Variants in JAK3 observed in about 807,000 individuals in gnomAD.
JAK3 encodes the protein tyrosine-protein kinase JAK3.
In JAK3, 88 loss-of-function variants were observed where a neutral mutation model predicts 120.8. The observed-to-expected ratio is 0.73, with a 90% confidence interval of 0.61 to 0.87. JAK3 has a LOEUF of 0.87. Among genes scored for constraint, JAK3 ranks in the 40% least tolerant of loss-of-function variants. JAK3 has a pLI of 0.00. For missense variants in JAK3, 1,254 were observed against 1,501.4 expected (o/e 0.84, Z 2.72); for synonymous variants, 592 against 628.6 (o/e 0.94, Z 0.87).
Position 17,843,864 on chromosome 19 carries a change from G to T in JAK3, c.221C>A (p.Ala74Asp). ...LPVYHSLFAL[A>D]TEDLSCWFPP... ...GAACCAGCAGGACAGGTCCTCCGTG[G>T]CCAGAGCAAAGAGGGAGTGGTACAC... The change falls in exon 3 of 24, where the codon GCC (alanine) becomes GAC (aspartate). Residue 74 changes from alanine to aspartate, a missense_variant. Physicochemically the swap from Ala to Asp is moderately radical, Grantham distance 126. Around this residue, in one of 3 missense-constraint regions of JAK3, gnomAD observed 138 missense variants for 178.7 expected, o/e 0.77. Transcript: ENST00000458235. The surrounding 1 kb of genome is among the most constrained non-coding windows in gnomAD (Gnocchi z 5.4). 1 of 1,613,646 alleles carries T rather than the reference G, an allele frequency of 6.2e-7. No individual in the cohort carries two copies. The highest frequency in any genetic ancestry group is 8.5e-7 in the Non-Finnish European group (1 of 1,179,968).
intron 23 of JAK3, among the ~76,000 whole-genome samples, chr19:17,829,004 T>G (rs982282260): frequency 6.6e-6 from 1 of 151,272 alleles, no homozygotes; most frequent in Non-Finnish European, 1.5e-5. Flanking sequence ...AAAAATTTTT[T>G]AAAATTAGCC....
chr19:17,845,125 G>A (rs1045022217), intron 1 of JAK3, among the ~76,000 whole-genome samples: 20 of 152,178 alleles, frequency 1.3e-4, no homozygotes, highest in African/African-American at 3.9e-4. Flanking sequence ...CATCATTTCC[G>A]GAGGCCAAGA....
chr19:17,844,810 AAAAGAAAGAAAG>A (rs545511218), intron 1 of JAK3, among the ~76,000 whole-genome samples: 10 of 127,142 alleles, frequency 7.9e-5, no homozygotes, highest in Non-Finnish European at 1.3e-4. Flanking sequence ...AAAAAAAAAA[AAAAGAAAGAAAG>A]AAAGAAAGAA....
Position 17,836,014 on chromosome 19 carries a change from T to C in JAK3, c.1824A>G (p.Ile608Met), listed in dbSNP as rs2094223452. The C allele has an allele frequency of 6.2e-7, 1 of 1,614,000 alleles. No homozygotes were observed. The highest frequency in any genetic ancestry group is 1.1e-5 in the South Asian group (1 of 91,090). ...GGCCACGTTTTCGCAGATACATGTC[T>C]ATGGCCCCCAGGTGTACAAATTCCT... ...MVQEFVHLGA[I>M]DMYLRKRGHL... Residue 608 changes from isoleucine (I) to methionine (M), a missense_variant, in exon 14 of 24, where the codon ATA (isoleucine) becomes ATG (methionine). By Grantham distance (10) the Ile-to-Met change is conservative. This residue lies in a region of JAK3 where 630 missense variants were observed against 819.8 expected (regional missense o/e 0.77). Coordinates refer to ENST00000458235, the MANE Select transcript of JAK3 (RefSeq NM_000215.4).
chr19:17,831,776 G>T lies in JAK3; in HGVS notation c.2703C>A (p.Val901=). Residue 901 remains valine (V), a synonymous_variant, in exon 20 of 24, where the codon GTC becomes GTA. Transcript: ENST00000458235. The surrounding 1 kb of genome is among the most constrained non-coding windows in gnomAD (Gnocchi z 5.1). ...YGPGRQSLRL[V]MEYLPSGCLR... is the part of the protein sequence containing the mutation. ...AGCAGCCGCTGGGCAGGTACTCCATGACCAGCCGCAGGCTCTGGCGGCCTG... is the reference window on the plus strand; with the variant it reads ...AGCAGCCGCTGGGCAGGTACTCCATTACCAGCCGCAGGCTCTGGCGGCCTG... The T allele has an allele frequency of 2.5e-6, 4 of 1,612,706 alleles. No homozygotes were observed. The South Asian group carries it at 4.4e-5, about 18-fold the overall frequency.
At chr19:17,846,886 T>G (rs2094253437) in intron 1 of JAK3, among the ~76,000 whole-genome samples, 1 of 145,576 alleles carries the variant, frequency 6.9e-6, no homozygotes, top group Non-Finnish European at 1.5e-5. Context: ...TGCCCAGCCT[T>G]TTTATTTATT....
rs1435771011 is a variant in JAK3 at position 17,829,328 on chromosome 19, T to C, written c.3207+780A>G. On this transcript the variant is annotated intron_variant, in intron 23 of 23. Transcript: ENST00000458235. ...CACAGGCACCCACACATGGGTAATT[T>C]TTGTATTTTTAGTAGAGACAGGGTG... Among the ~76,000 whole-genome samples the C allele has an allele frequency of 2.0e-5, 3 of 152,008 alleles. No homozygotes were observed. The East Asian group carries it at 5.8e-4, about 29-fold the overall frequency.
In JAK3 at chr19:17,843,586, C is replaced by A; in HGVS notation, c.309-95G>T. ...GGGCGAGGGACAGATTCTGCGGAGG[C>A]CTCACAGAGCCCAGCTTGTACCTTT... is the stretch of plus-strand genomic sequence containing the variant. On this transcript the variant is annotated intron_variant, in intron 3 of 23. Transcript: ENST00000458235. The surrounding 1 kb of genome is among the most constrained non-coding windows in gnomAD (Gnocchi z 5.4). 8.7e-7 allele frequency: 1 copy of A among 1,151,332 alleles called. No homozygotes were observed. The highest frequency in any genetic ancestry group is 1.3e-6 in the Non-Finnish European group (1 of 770,726). 71.3% of individuals were successfully genotyped at this position (1,151,332 alleles called of 1,614,324 possible). A position where few individuals can be genotyped will look rare whatever the true frequency, so the allele number is the denominator to read the frequency against.
At position 17,831,574 on chromosome 19, in the gene JAK3, A is replaced by T; in HGVS notation, c.2805+100T>A. 3 of 1,513,956 alleles carry T rather than the reference A, an allele frequency of 2.0e-6. No individual in the cohort carries two copies. Among genetic ancestry groups the T allele is most frequent in the East Asian group, 2.4e-5 (1 of 40,946 alleles). 93.8% of individuals were successfully genotyped at this position (1,513,956 alleles called of 1,614,324 possible). A position where few individuals can be genotyped will look rare whatever the true frequency, so the allele number is the denominator to read the frequency against. Reference sequence around the variant, plus strand: ...CAACCCCACCACTCCCGAGACCTGGACCCCAAACCACTCCTCAGCCTTCAC... The same window carrying T: ...CAACCCCACCACTCCCGAGACCTGGTCCCCAAACCACTCCTCAGCCTTCAC... On this transcript the variant is annotated intron_variant, in intron 20 of 23. Coordinates refer to ENST00000458235, the MANE Select transcript of JAK3 (RefSeq NM_000215.4). This position sits in a 1 kb window ranked among gnomAD's most constrained non-coding sequence, Gnocchi z 5.1.
chr19:17,846,306 A>C (rs2094252089), intron 1 of JAK3, among the ~76,000 whole-genome samples: 2 of 152,160 alleles, frequency 1.3e-5, no homozygotes, highest in Non-Finnish European at 2.9e-5. Flanking sequence ...GCGATCAACA[A>C]ACGCCTGTTA....
In JAK3 at chr19:17,841,730, G is replaced by A. The variant is rs2094239570; in HGVS notation, c.894C>T (p.Ile298=). ...VLQPFCDFPE[I]VDISIKQAPR... ...GGGCCTGCTTGATGCTAATGTCTAC[G>A]ATTTCTGGAAAGTCGCAGAAGGGCT... Residue 298 remains isoleucine, a synonymous_variant, in exon 7 of 24, where the codon ATC becomes ATT. Transcript: ENST00000458235. The surrounding 1 kb of genome is among the most constrained non-coding windows in gnomAD (Gnocchi z 4.1). 1.9e-6 allele frequency: 3 copies of A among 1,611,226 alleles called. No homozygotes were observed. The highest frequency in any genetic ancestry group is 2.7e-5 in the African/African-American group (2 of 74,884).
chr19:17,842,349 G>T lies in JAK3; in HGVS notation c.828C>A (p.Asp276Glu), dbSNP rs569160156. 1.3e-6 allele frequency: 2 copies of T among 1,573,794 alleles called. No individual in the cohort carries two copies. The highest frequency in any genetic ancestry group is 1.1e-5 in the South Asian group (1 of 88,680). The stretch of plus-strand genomic sequence containing the variant: ...CTCCCTGGGTCCAGGCGATGCCGCC[G>T]TCACCAGCCACGCGGAGCAGCCCCA... ...DGLGLLRVAGDGGIAWTQGEQ... is the reference protein window; with the variant it reads ...DGLGLLRVAGEGGIAWTQGEQ... The change falls in exon 6 of 24, where the codon GAC becomes GAA. Residue 276 changes from aspartate (D) to glutamate (E), a missense_variant. Transcript: ENST00000458235. This position sits in a 1 kb window ranked among gnomAD's most constrained non-coding sequence, Gnocchi z 6.4.
In JAK3 at chr19:17,841,792, G is replaced by A. The variant is rs774535127; in HGVS notation, c.862-30C>T. ...GAAGGAGGGGGAGTACCGAAGTGGGGGCCCAGCTGGACCCCGCCAAACCAC... is the reference window on the plus strand; with the variant it reads ...GAAGGAGGGGGAGTACCGAAGTGGGAGCCCAGCTGGACCCCGCCAAACCAC... On this transcript the variant is annotated intron_variant, in intron 6 of 23. Transcript: ENST00000458235. The surrounding 1 kb of genome is among the most constrained non-coding windows in gnomAD (Gnocchi z 4.1). 3.8e-6 allele frequency: 6 copies of A among 1,599,462 alleles called. 1 individual carries two copies. The South Asian group carries it at 5.5e-5, about 15-fold the overall frequency.
Position 17,840,354 on chromosome 19 carries a change from G to C in JAK3, c.1143-13C>G. ...GGCAAAGTCCAGACTGTGGGGGAAGGTGAGAGGGAATGGGGAGGAGTCAGA... is the reference window on the plus strand; with the variant it reads ...GGCAAAGTCCAGACTGTGGGGGAAGCTGAGAGGGAATGGGGAGGAGTCAGA... On this transcript the variant is annotated splice_polypyrimidine_tract_variant and intron_variant, in intron 8 of 23. Transcript: ENST00000458235. The C allele has an allele frequency of 6.4e-7, 1 of 1,573,010 alleles. No homozygotes were observed. Among genetic ancestry groups the C allele is most frequent in the Non-Finnish European group, 8.7e-7 (1 of 1,143,564 alleles).
At chr19:17,837,696 T>C (rs918431329) in intron 12 of JAK3, among the ~76,000 whole-genome samples, 4 of 152,134 alleles carry the variant, frequency 2.6e-5, no homozygotes, top group African/African-American at 9.7e-5. Context: ...ATTACAGGCG[T>C]GAGCCACCGC....
chr19:17,838,785 G>A (rs1031078976), intron 10 of JAK3, among the ~76,000 whole-genome samples: 1 of 139,988 alleles, frequency 7.1e-6, no homozygotes, highest in East Asian at 2.1e-4. Context: ...GTGTGATCTC[G>A]GCTCACTGCA....
chr19:17,844,305 G>A lies in JAK3; in HGVS notation c.113C>T (p.Pro38Leu). 6.2e-7 allele frequency: 1 copy of A among 1,608,194 alleles called. No individual in the cohort carries two copies. Among genetic ancestry groups the A allele is most frequent in the African/African-American group, 1.3e-5 (1 of 74,962 alleles). ...CCCAAAGGAGAAAGATAGGCGCTGG[G>A]GGGGCCCGGGGCCCCGAGCGGGCAG... ...VLLPARGPGP[P>L]QRLSFSFGDH... Residue 38 changes from proline (P) to leucine (L), a missense_variant, in exon 2 of 24, where the codon CCC becomes CTC. Physicochemically the swap from Pro to Leu is moderately conservative, Grantham distance 98. This residue lies in a region of JAK3 where 138 missense variants were observed against 178.7 expected (regional missense o/e 0.77). Coordinates refer to ENST00000458235, the MANE Select transcript of JAK3 (RefSeq NM_000215.4).
Position 17,843,719 on chromosome 19 carries a change from GA to G in JAK3, c.308+57del, listed in dbSNP as rs1380699405. The G allele has an allele frequency of 3.1e-6, 5 of 1,604,472 alleles. No individual in the cohort carries two copies. Among genetic ancestry groups the G allele is most frequent in the African/African-American group, 1.3e-5 (1 of 74,700 alleles). On this transcript the variant is annotated intron_variant, in intron 3 of 23. Transcript: ENST00000458235. The surrounding 1 kb of genome is among the most constrained non-coding windows in gnomAD (Gnocchi z 5.4). ...CCTGGGGCAGGGGTGTGGGCACCTC[GA>G]AATGCAAGGAGATGATAAAATTGTA...
chr19:17,830,300 G>A lies in JAK3; in HGVS notation c.3097-82C>T, dbSNP rs576047289. 1,037 of 1,137,254 alleles carry A rather than the reference G, an allele frequency of 9.1e-4. 2 individuals are homozygous for A. The highest frequency in any genetic ancestry group is 1.6e-3 in the Admixed American group (82 of 49,992). The allele number at this position is 1,137,254 out of a possible 1,614,324, so 70.4% of individuals were successfully genotyped here. A position where few individuals can be genotyped will look rare whatever the true frequency, so the allele number is the denominator to read the frequency against. ...AGGGGCCACCCGTGGTGGGGGTAGG[G>A]GCCATCTGTGATGGAGCGGGGAGGG... is the stretch of plus-strand genomic sequence containing the variant. On this transcript the variant is annotated intron_variant, in intron 22 of 23. Coordinates refer to ENST00000458235, the MANE Select transcript of JAK3 (RefSeq NM_000215.4).
Sources: gnomAD v4.1 joint callset for allele counts (sites outside exome capture counted in the v4.1 genomes callset) on GRCh38, gnomAD v4.1.1 for gene constraint, gnomAD v4.1.1 regional missense constraint, Gnocchi (gnomAD v3.1) non-coding constraint, MANE v1.5 for transcripts, NCBI Gene and HGNC (gene_info 2026-07-23, HGNC 2026-07-21) for gene names.